SHISAL1: variants seen among roughly 807,000 people sequenced by gnomAD.
The protein encoded by SHISAL1 is protein shisa-like-1.
Under a neutral mutation model 22.6 loss-of-function variants are expected in SHISAL1, and 9 were observed. That is an observed-to-expected ratio of 0.40 (90% CI 0.24 to 0.70). The LOEUF (loss-of-function observed/expected upper bound fraction) is 0.70, where lower values mean the gene tolerates loss of function less well. Among genes scored for constraint, SHISAL1 ranks in the 30% least tolerant of loss-of-function variants. The pLI, the probability that SHISAL1 is intolerant of heterozygous loss-of-function variation, is 0.39. For synonymous variants in SHISAL1, 119 were observed against 115.4 expected (o/e 1.03, Z -0.20); for missense variants, 246 against 270.6 (o/e 0.91, Z 0.64).
rs1270729925 is a variant in SHISAL1, at chr22:44,273,588, T to C, written c.599+11840A>G. ...TGAGCCAGTGTGATGCAGCCCCATC[T>C]CATAATGGATATGTTTACTTGTTCG... On this transcript the variant is annotated intron_variant, in intron 4 of 4. Transcript: ENST00000381176. 7.2e-5 allele frequency among the ~76,000 whole-genome samples: 11 copies of C among 152,350 alleles called. 1 individual carries two copies. The South Asian group carries it at 1.9e-3, about 26-fold the overall frequency.
At chr22:44,281,600 T>C (rs916087075) in intron 4 of SHISAL1, among the ~76,000 whole-genome samples, 5 of 152,124 alleles carry the variant, frequency 3.3e-5, no homozygotes, top group African/African-American at 1.2e-4. Context: ...CACCGTTAGG[T>C]GACGAAGGCA....
At chr22:44,291,648 C>A (rs1054565776) in intron 3 of SHISAL1, among the ~76,000 whole-genome samples, 1 of 152,162 alleles carries the variant, frequency 6.6e-6, no homozygotes, top group Admixed American at 6.5e-5. Flanking sequence ...TTTGGGTGCA[C>A]TGTTCTGTCC....
intron 3 of SHISAL1, among the ~76,000 whole-genome samples, chr22:44,295,483 T>C (rs2055379017): frequency 6.6e-6 from 1 of 151,870 alleles, no homozygotes; most frequent in African/African-American, 2.4e-5. Context: ...AGGAAACACC[T>C]TTCTTAGTAT....
chr22:44,276,037 G>A (rs1159757257), intron 4 of SHISAL1, among the ~76,000 whole-genome samples: 2 of 152,192 alleles, frequency 1.3e-5, no homozygotes, highest in Admixed American at 6.5e-5. Context: ...CAACTCTCCC[G>A]CGTTTTCCAT....
At chr22:44,327,016 AT>A in the SHISAL1 span, among the ~76,000 whole-genome samples, 1 of 152,066 alleles carries the variant, frequency 6.6e-6, no homozygotes, top group Non-Finnish European at 1.5e-5. Context: ...GCCCTCAAGA[AT>A]CCCCAGTTCA....
rs2054992298 is a variant in SHISAL1, at chr22:44,245,546, C to G, written c.*4139G>C. 2.0e-5 allele frequency: 3 copies of G among 152,284 alleles called. No homozygotes were observed. The highest frequency in any genetic ancestry group is 1.3e-4 in the Admixed American group (2 of 15,292). 9.4% of individuals were successfully genotyped at this position (152,284 alleles called of 1,614,324 possible). On this transcript the variant is annotated 3_prime_UTR_variant, in exon 5 of 5. Coordinates refer to ENST00000381176, the MANE Select transcript of SHISAL1 (RefSeq NM_001099294.2). ...AAGTCTGCACCCCCGGGGACCCCGT[C>G]TCCTTGAATGGCACAGTCTCTAATA... is the stretch of plus-strand genomic sequence containing the variant.
the SHISAL1 span, among the ~76,000 whole-genome samples, chr22:44,330,195 A>G: frequency 1.3e-5 from 2 of 152,270 alleles, no homozygotes; most frequent in Non-Finnish European, 2.9e-5. Context: ...GGGAACCGAC[A>G]GGGGTTTCTC....
At chr22:44,306,575 GCT>G (rs2055476768) in intron 1 of SHISAL1, among the ~76,000 whole-genome samples, 3 of 39,704 alleles carry the variant, frequency 7.6e-5, no homozygotes, top group African/African-American at 1.4e-4. Flanking sequence ...AGCTCGGGGA[GCT>G]GTGATGACGA....
chr22:44,280,077 C>G (rs1391370564), intron 4 of SHISAL1, among the ~76,000 whole-genome samples: 1 of 152,174 alleles, frequency 6.6e-6, no homozygotes, highest in African/African-American at 2.4e-5. Context: ...ACTCCCCATC[C>G]CCCATCCCCA....
Position 44,246,319 on chromosome 22 carries a change from T to C in SHISAL1, c.*3366A>G, listed in dbSNP as rs1279671536. On this transcript the variant is annotated 3_prime_UTR_variant, in exon 5 of 5. Transcript: ENST00000381176. ...AAACGCGGTAGTTCTGCAAACAGCC[T>C]CGAATGCAGATTCCTCTGTGGACAT... is the stretch of plus-strand genomic sequence containing the variant. 1 of 152,230 alleles carries C rather than the reference T, an allele frequency of 6.6e-6. No homozygotes were observed. Among genetic ancestry groups the C allele is most frequent in the Non-Finnish European group, 1.5e-5 (1 of 68,048 alleles). 9.4% of individuals were successfully genotyped at this position (152,230 alleles called of 1,614,324 possible). A position where few individuals can be genotyped will look rare whatever the true frequency, so the allele number is the denominator to read the frequency against.
At chr22:44,311,274 C>T (rs552555531) in intron 1 of SHISAL1, among the ~76,000 whole-genome samples, 5 of 152,272 alleles carry the variant, frequency 3.3e-5, no homozygotes, top group East Asian at 1.9e-4. Context: ...GTCAGGGCCA[C>T]GAGGAGAAGC....
chr22:44,313,339 T>C (rs935467706), upstream of SHISAL1, among the ~76,000 whole-genome samples: 1 of 152,198 alleles, frequency 6.6e-6, no homozygotes, highest in Non-Finnish European at 1.5e-5. Flanking sequence ...CTGGCCAGCA[T>C]GGCCCGGGGA....
intron 4 of SHISAL1, among the ~76,000 whole-genome samples, chr22:44,280,953 C>T (rs1194292850): frequency 6.6e-6 from 1 of 152,140 alleles, no homozygotes; most frequent in Non-Finnish European, 1.5e-5. Flanking sequence ...CGGCACCTCC[C>T]AGGACCCAGG....
chr22:44,268,883 AAT>A lies in SHISAL1; in HGVS notation c.599+16543_599+16544del, dbSNP rs2055184932. On this transcript the variant is annotated intron_variant, in intron 4 of 4. Transcript: ENST00000381176. Reference sequence around the variant, plus strand: ...CATGCTTTTTAATCCTTGTGAAATGAATATGTCCTTTGCCTCCAGGGCTGTGT... The same window carrying A: ...CATGCTTTTTAATCCTTGTGAAATGAATGTCCTTTGCCTCCAGGGCTGTGT... Among the ~76,000 whole-genome samples, 7 of 151,986 alleles carry A rather than the reference AAT, an allele frequency of 4.6e-5. No homozygotes were observed. In the South Asian group the frequency reaches 1.5e-3, roughly 32 times the overall value.
At chr22:44,289,269 AC>A (rs1344776114) in intron 3 of SHISAL1, among the ~76,000 whole-genome samples, 4 of 152,162 alleles carry the variant, frequency 2.6e-5, no homozygotes, top group African/African-American at 9.7e-5. Flanking sequence ...TGGGAGCTGG[AC>A]CCAGGTCCCT....
At chr22:44,275,705 G>A (rs1431682219) in intron 4 of SHISAL1, among the ~76,000 whole-genome samples, 6 of 152,174 alleles carry the variant, frequency 3.9e-5, no homozygotes, top group South Asian at 4.1e-4. Flanking sequence ...CCCAGCTGCC[G>A]TGCAGTTCCC....
At chr22:44,289,506 G>A (rs555381032) in intron 3 of SHISAL1, among the ~76,000 whole-genome samples, 24 of 150,510 alleles carry the variant, frequency 1.6e-4, no homozygotes, top group African/African-American at 6.0e-4. Context: ...TTACTGCCGG[G>A]CTCCTGGCCT....
At position 44,261,077 on chromosome 22, in the gene SHISAL1, T is replaced by TATATA. The variant is rs1555925738; in HGVS notation, c.*-11393_*-11392insTATAT. The stretch of plus-strand genomic sequence containing the variant: ...AGAATGTGGTGTTTGCTTCATTACT[T>TATATA]TATATATATATATATATATATACAC... On this transcript the variant is annotated intron_variant, in intron 4 of 4. Coordinates refer to ENST00000381176, the MANE Select transcript of SHISAL1 (RefSeq NM_001099294.2). 2.4e-3 allele frequency among the ~76,000 whole-genome samples: 266 copies of TATATA among 108,726 alleles called. 6 individuals carry two copies. The highest frequency in any genetic ancestry group is 9.2e-3 in the African/African-American group (255 of 27,858). The allele number at this position is 108,726 out of a possible 152,430, so 71.3% of individuals were successfully genotyped here. A position where few individuals can be genotyped will look rare whatever the true frequency, so the allele number is the denominator to read the frequency against.
chr22:44,297,002 G>A (rs541985418), intron 2 of SHISAL1, 117 bp from the exon 3 acceptor site: 93 of 765,560 alleles, frequency 1.2e-4, no homozygotes, highest in Non-Finnish European at 1.9e-4. Flanking sequence ...TCCCCTGGAT[G>A]CCTTTGTGGT....
Sources: allele counts gnomAD v4.1 joint callset (sites outside exome capture counted in the v4.1 genomes callset), GRCh38; gene constraint gnomAD v4.1.1; transcripts MANE v1.5; gene names NCBI Gene and HGNC (gene_info 2026-07-23, HGNC 2026-07-21).